Variants in SNX30 observed in about 807,000 individuals in gnomAD.
SNX30 encodes the protein sorting nexin family member 30, also known as sorting nexin-30.
A neutral mutation model predicts 46.4 loss-of-function variants in SNX30; 24 were observed. The ratio of observed to expected loss-of-function variants is 0.52; its 90% confidence interval spans 0.37 to 0.73. The LOEUF (loss-of-function observed/expected upper bound fraction) is 0.73. Among genes scored for constraint, SNX30 ranks in the 30% least tolerant of loss-of-function variants. SNX30 has a pLI of 0.00. For synonymous variants in SNX30, 189 were observed against 211.5 expected (o/e 0.89, Z 0.92); for missense variants, 533 against 555.7 (o/e 0.96, Z 0.41).
intron 1 of SNX30, among the ~76,000 whole-genome samples, chr9:112,786,106 T>C (rs1359278381): frequency 7.2e-6 from 1 of 138,648 alleles, no homozygotes; most frequent in Non-Finnish European, 1.5e-5. Flanking sequence ...TACTAACATG[T>C]AGGAGCTGTC....
chr9:112,835,721 A>G (rs1479340178), intron 4 of SNX30, among the ~76,000 whole-genome samples: 1 of 152,200 alleles, frequency 6.6e-6, no homozygotes, highest in Non-Finnish European at 1.5e-5. Flanking sequence ...TGTTTACAGC[A>G]TCCATCCTAG....
chr9:112,817,396 A>C (rs369275695), intron 2 of SNX30, among the ~76,000 whole-genome samples: 1 of 53,842 alleles, frequency 1.9e-5, no homozygotes, highest in Non-Finnish European at 3.2e-5. Flanking sequence ...AAAAAAAAAA[A>C]CTGGCTTTTT....
chr9:112,779,951 G>T (rs1839820715), intron 1 of SNX30, among the ~76,000 whole-genome samples: 1 of 152,178 alleles, frequency 6.6e-6, no homozygotes, highest in South Asian at 2.1e-4. Context: ...CCCCACCAAT[G>T]CTTTTGACAT....
At chr9:112,808,697 C>G (rs1476535141) in intron 2 of SNX30, among the ~76,000 whole-genome samples, 1 of 132,062 alleles carries the variant, frequency 7.6e-6, no homozygotes, top group Non-Finnish European at 1.6e-5. Context: ...TGCTGACTTT[C>G]TATACTACTT....
At chr9:112,823,789 A>G (rs941385165) in intron 3 of SNX30, among the ~76,000 whole-genome samples, 10 of 152,184 alleles carry the variant, frequency 6.6e-5, no homozygotes, top group African/African-American at 2.4e-4. Context: ...TCTACTGTTA[A>G]AAATATACCT....
rs923365217 is a variant in SNX30 at position 112,874,039 on chromosome 9, C to A, written c.*5196C>A. 8.5e-5 allele frequency: 13 copies of A among 152,198 alleles called. No individual in the cohort carries two copies. The highest frequency in any genetic ancestry group is 2.6e-4 in the Admixed American group (4 of 15,280). 9.4% of individuals were successfully genotyped at this position (152,198 alleles called of 1,614,324 possible). On this transcript the variant is annotated 3_prime_UTR_variant, in exon 9 of 9. Transcript: ENST00000374232. The stretch of plus-strand genomic sequence containing the variant: ...TCCTAGTAGGTGACACCCAGCAACA[C>A]CCCTGTTGGACAGGATTGATTGTTC...
chr9:112,850,789 C>T, intron 6 of SNX30, 70 bp from the exon 7 acceptor site: 1 of 1,170,414 alleles, frequency 8.5e-7, no homozygotes, highest in Non-Finnish European at 1.3e-6. Flanking sequence ...GGAAAAGAAG[C>T]AATTGCCTGG....
chr9:112,879,598 C>T (rs1841552941), downstream of SNX30: 10 of 602,090 alleles, frequency 1.7e-5, no homozygotes, highest in Admixed American at 2.8e-4. Context: ...TCCCCATCCA[C>T]CAGGGATCCC....
At chr9:112,864,978 CACAT>C (rs1453805883) in intron 8 of SNX30, among the ~76,000 whole-genome samples, 6 of 94,920 alleles carry the variant, frequency 6.3e-5, no homozygotes, top group Admixed American at 1.2e-4. Flanking sequence ...GCAGCGCACG[CACAT>C]GCGCGTGCAC....
chr9:112,787,076 G>A (rs538092193), intron 1 of SNX30, among the ~76,000 whole-genome samples: 1 of 152,264 alleles, frequency 6.6e-6, no homozygotes, highest in African/African-American at 2.4e-5. Context: ...GTCAGGTGGC[G>A]CTCCAGCCTG....
intron 1 of SNX30, among the ~76,000 whole-genome samples, chr9:112,791,887 T>A (rs938458180): frequency 6.6e-6 from 1 of 152,206 alleles, no homozygotes; most frequent in African/African-American, 2.4e-5. Flanking sequence ...ATAAATTGTA[T>A]TGATAAATTT....
rs138450507 is a variant in SNX30 at position 112,818,457 on chromosome 9, T to G, written c.459+642T>G. On this transcript the variant is annotated intron_variant, in intron 3 of 8. Coordinates refer to ENST00000374232, the MANE Select transcript of SNX30 (RefSeq NM_001012994.2). ...ATTGGCCAGGCTGGTCTCGAACTCC[T>G]GATCTCAGGTGATCCACCGACCTCA... Among the ~76,000 whole-genome samples the G allele has an allele frequency of 9.9e-3, 1,511 of 152,312 alleles. 22 individuals carry two copies. The highest frequency in any genetic ancestry group is 0.045 in the Admixed American group (685 of 15,296).
chr9:112,842,370 C>A (rs145404947), intron 6 of SNX30, among the ~76,000 whole-genome samples: 2 of 152,304 alleles, frequency 1.3e-5, no homozygotes, highest in Non-Finnish European at 2.9e-5. Flanking sequence ...TTGAGGGAAC[C>A]TAATGGTGAG....
chr9:112,870,111 G>A lies in SNX30; in HGVS notation c.*1268G>A, dbSNP rs938498957. 6.6e-6 allele frequency: 1 copy of A among 152,130 alleles called. No individual in the cohort carries two copies. The highest frequency in any genetic ancestry group is 1.5e-5 in the Non-Finnish European group (1 of 68,016). The allele number at this position is 152,130 out of a possible 1,614,324, so 9.4% of individuals were successfully genotyped here. A position where few individuals can be genotyped will look rare whatever the true frequency, so the allele number is the denominator to read the frequency against. On this transcript the variant is annotated 3_prime_UTR_variant, in exon 9 of 9. Coordinates refer to ENST00000374232, the MANE Select transcript of SNX30 (RefSeq NM_001012994.2). ...GGTTACAGGCTGCATTTCAGACAAT[G>A]ACCAGGTTTACTTTTCAGATCACAA...
chr9:112,807,082 T>G (rs1213883855), intron 2 of SNX30, among the ~76,000 whole-genome samples: 1 of 56,062 alleles, frequency 1.8e-5, no homozygotes, highest in Admixed American at 2.5e-4. Context: ...TTTTTTTTTT[T>G]GAGACAGAGT....
chr9:112,816,381 C>G (rs1305074286), intron 2 of SNX30, among the ~76,000 whole-genome samples: 1 of 152,214 alleles, frequency 6.6e-6, no homozygotes, highest in Non-Finnish European at 1.5e-5. Flanking sequence ...TTTCCTCTCT[C>G]TCCAGTCCTA....
rs1400935664 is a variant in SNX30, at chr9:112,869,137, C to CTT, written c.*294_*295insTT. 1.0e-3 allele frequency: 387 copies of CTT among 388,554 alleles called. 4 individuals are homozygous for CTT. Among genetic ancestry groups the CTT allele is most frequent in the African/African-American group, 7.3e-3 (366 of 49,984 alleles). The allele number at this position is 388,554 out of a possible 1,614,324, so 24.1% of individuals were successfully genotyped here. ...AATTTGAAACCAAGGGACAAGACAACCTGCAGCTGACGCTCTGACATTTCA... is the reference window on the plus strand; with the variant it reads ...AATTTGAAACCAAGGGACAAGACAACTTCTGCAGCTGACGCTCTGACATTTCA... On this transcript the variant is annotated 3_prime_UTR_variant, in exon 9 of 9. Transcript: ENST00000374232.
chr9:112,862,750 T>TG (rs1841258030), intron 7 of SNX30, among the ~76,000 whole-genome samples: 1 of 151,766 alleles, frequency 6.6e-6, no homozygotes, highest in African/African-American at 2.4e-5. Context: ...ATTGTAGAGA[T>TG]GGGGGTCTTA....
In SNX30 at chr9:112,762,304, G is replaced by A. The variant is rs140167689; in HGVS notation, c.156+11147G>A. Among the ~76,000 whole-genome samples the A allele has an allele frequency of 1.2e-3, 187 of 152,200 alleles. 1 individual carries two copies. The highest frequency in any genetic ancestry group is 4.0e-3 in the African/African-American group (166 of 41,508). ...CCTGCTTGAGAAGGGGCACAGAGGC[G>A]GGAAGAGCACACAGCGTGTTTGGGT... On this transcript the variant is annotated intron_variant, in intron 1 of 8. Transcript: ENST00000374232.
Sources: gnomAD v4.1 joint callset for allele counts (sites outside exome capture counted in the v4.1 genomes callset) on GRCh38, gnomAD v4.1.1 for gene constraint, MANE v1.5 for transcripts, NCBI Gene and HGNC (gene_info 2026-07-23, HGNC 2026-07-21) for gene names.